PTPN3: variants seen among roughly 807,000 people sequenced by gnomAD.
PTPN3 encodes the protein protein tyrosine phosphatase non-receptor type 3.
Under a neutral mutation model 132.7 loss-of-function variants are expected in PTPN3, and 96 were observed. The observed-to-expected ratio is 0.72, with a 90% CI of 0.61 to 0.86. The LOEUF is 0.86. Ranked by LOEUF, PTPN3 falls within the 40% of genes least tolerant of loss-of-function variation. The probability of loss-of-function intolerance (pLI) is 0.00; values close to 1 mark genes in which losing one functional copy is unlikely to be tolerated. For synonymous variants in PTPN3, 398 were observed against 429.0 expected, an observed-to-expected ratio of 0.93 and a Z score of 0.89; for missense variants, 1,125 against 1,159.6, an observed-to-expected ratio of 0.97 and a Z score of 0.43.
chr9:109,513,886 A>G, the PTPN3 span, among the ~76,000 whole-genome samples: 1 of 152,172 alleles, frequency 6.6e-6, no homozygotes. Flanking sequence ...ATGGCTAATT[A>G]AGATATTAAT....
intron 14 of PTPN3, among the ~76,000 whole-genome samples, chr9:109,419,758 A>G (rs1842763071): frequency 6.6e-6 from 1 of 152,202 alleles, no homozygotes; most frequent in East Asian, 1.9e-4. Flanking sequence ...AAAGGGAAAC[A>G]AATGGGTTAA....
chr9:109,506,546 C>G, the PTPN3 span, among the ~76,000 whole-genome samples: 12 of 150,278 alleles, frequency 8.0e-5, no homozygotes, highest in African/African-American at 2.7e-4. Context: ...CTCCTTTCCT[C>G]CCTTCCTCCC....
At position 109,393,448 on chromosome 9, in the gene PTPN3, C is replaced by A. The variant is rs1235088150; in HGVS notation, c.1954-1887G>T. Reference sequence around the variant, plus strand: ...TCACCCAGGCTGGAGTGAAGTGGTGCGATCTCGGCTCACTGTAACCTCCAT... The same window carrying A: ...TCACCCAGGCTGGAGTGAAGTGGTGAGATCTCGGCTCACTGTAACCTCCAT... On this transcript the variant is annotated intron_variant, in intron 19 of 25. Transcript: ENST00000374541. Among the ~76,000 whole-genome samples, 3 of 138,822 alleles carry A rather than the reference C, an allele frequency of 2.2e-5. 1 individual carries two copies. The Admixed American group carries it at 2.3e-4, about 11-fold the overall frequency. The allele number at this position is 138,822 out of a possible 152,430, so 91.1% of individuals were successfully genotyped here. A position where few individuals can be genotyped will look rare whatever the true frequency, so the allele number is the denominator to read the frequency against.
chr9:109,495,877 G>A (rs749506848), intron 1 of PTPN3, among the ~76,000 whole-genome samples: 1 of 152,172 alleles, frequency 6.6e-6, no homozygotes, highest in East Asian at 1.9e-4. Flanking sequence ...TTTTTCTCCT[G>A]CTCCAAGCTG....
At chr9:109,455,495 C>A (rs1380991177) in intron 4 of PTPN3, among the ~76,000 whole-genome samples, 1 of 152,214 alleles carries the variant, frequency 6.6e-6, no homozygotes, top group African/African-American at 2.4e-5. Context: ...ACCCTCCCTG[C>A]TCTTTAGTGC....
At position 109,462,030 on chromosome 9, in the gene PTPN3, CAAT is replaced by C. The variant is rs554764200; in HGVS notation, c.138+1264_138+1266del. Among the ~76,000 whole-genome samples, 367 of 152,320 alleles carry C rather than the reference CAAT, an allele frequency of 2.4e-3. 2 individuals carry two copies. Among genetic ancestry groups the C allele is most frequent in the African/African-American group, 8.4e-3 (351 of 41,576 alleles). ...TTGCTGGAGTTTTCACTTGTTACAA[CAAT>C]GTTTCCCACCTACAAAAAAATGATG... On this transcript the variant is annotated intron_variant, in intron 2 of 25. Coordinates refer to ENST00000374541, the MANE Select transcript of PTPN3 (RefSeq NM_002829.4).
intron 7 of PTPN3, among the ~76,000 whole-genome samples, chr9:109,438,489 T>C (rs933630881): frequency 6.6e-6 from 1 of 152,098 alleles, no homozygotes; most frequent in African/African-American, 2.4e-5. Context: ...AGGGAGAAAA[T>C]TAGGAGACGG....
chr9:109,518,621 A>T, the PTPN3 span, among the ~76,000 whole-genome samples: 1 of 152,288 alleles, frequency 6.6e-6, no homozygotes, highest in African/African-American at 2.4e-5. Flanking sequence ...CCCTGCCTCC[A>T]TCCAGAGGGG....
At chr9:109,409,948 T>A in intron 16 of PTPN3, 51 bp downstream of exon 16, 2 of 1,595,502 alleles carry the variant, frequency 1.3e-6, no homozygotes, top group Non-Finnish European at 1.7e-6. Context: ...TAAAAACTCA[T>A]TGAAAGATTG....
At chr9:109,392,047 G>A (rs568772447) in intron 19 of PTPN3, among the ~76,000 whole-genome samples, 1 of 152,114 alleles carries the variant, frequency 6.6e-6, no homozygotes, top group African/African-American at 2.4e-5. Flanking sequence ...CCAATATATA[G>A]TACATTTCAT....
chr9:109,529,397 C>A, the PTPN3 span, among the ~76,000 whole-genome samples: 1 of 152,162 alleles, frequency 6.6e-6, no homozygotes, highest in African/African-American at 2.4e-5. Flanking sequence ...ATACTGATGC[C>A]CACTCAAGTC....
At chr9:109,432,069 T>C (rs1179608917) in intron 10 of PTPN3, among the ~76,000 whole-genome samples, 1 of 148,768 alleles carries the variant, frequency 6.7e-6, no homozygotes, top group Non-Finnish European at 1.5e-5. Context: ...TAGGGTATAT[T>C]ATATAACAAT....
chr9:109,441,205 T>C (rs1844440035), intron 7 of PTPN3, among the ~76,000 whole-genome samples: 2 of 152,220 alleles, frequency 1.3e-5, no homozygotes, highest in South Asian at 4.1e-4. Context: ...CAAAAGCTAA[T>C]TATAGCAAAC....
chr9:109,457,368 A>G lies in PTPN3; in HGVS notation c.170T>C (p.Met57Thr), dbSNP rs1463617929. Residue 57 changes from methionine to threonine, a missense_variant, in exon 3 of 26, where the codon ATG becomes ACG. Met to Thr is a moderately conservative substitution (Grantham distance 81). Coordinates refer to ENST00000374541, the MANE Select transcript of PTPN3 (RefSeq NM_002829.4). The part of the protein sequence containing the change: ...KQDTGQVLLD[M>T]VHNHLGVTEK... ...AGTCACACCCAGGTGGTTGTGCACC[A>G]TATCCAGAAGAACCTGGCCAGTGTC... 6.2e-7 allele frequency: 1 copy of G among 1,614,142 alleles called. No homozygotes were observed. The highest frequency in any genetic ancestry group is 8.5e-7 in the Non-Finnish European group (1 of 1,180,026).
intron 17 of PTPN3, among the ~76,000 whole-genome samples, chr9:109,407,196 C>T (rs1217717426): frequency 6.6e-6 from 1 of 152,166 alleles, no homozygotes; most frequent in East Asian, 1.9e-4. Flanking sequence ...GGCACAGTGA[C>T]TCCTACTGCT....
intron 14 of PTPN3, among the ~76,000 whole-genome samples, chr9:109,418,700 C>G (rs1278237036): frequency 6.6e-6 from 1 of 152,216 alleles, no homozygotes; most frequent in African/African-American, 2.4e-5. Context: ...GTGTGGCTGT[C>G]AAGCAATTCA....
chr9:109,439,760 T>G (rs1206398530), intron 7 of PTPN3, among the ~76,000 whole-genome samples: 1 of 152,030 alleles, frequency 6.6e-6, no homozygotes, highest in Non-Finnish European at 1.5e-5. Flanking sequence ...AATACAAAAA[T>G]TAGCCAGGTA....
chr9:109,392,225 C>T (rs1016531850), intron 19 of PTPN3, among the ~76,000 whole-genome samples: 10 of 152,158 alleles, frequency 6.6e-5, no homozygotes, highest in Admixed American at 6.5e-4. Flanking sequence ...AAGTTCAATG[C>T]TTTGTTCGAG....
intron 17 of PTPN3, 81 bp from the exon 18 acceptor site, chr9:109,406,699 AG>A: frequency 6.4e-7 from 1 of 1,552,970 alleles, no homozygotes; most frequent in Non-Finnish European, 8.8e-7. Context: ...CTCTGCTCCC[AG>A]ACACCTGGGA....
Sources: allele counts gnomAD v4.1 joint callset (sites outside exome capture counted in the v4.1 genomes callset), GRCh38; gene constraint gnomAD v4.1.1; transcripts MANE v1.5; gene names NCBI Gene and HGNC (gene_info 2026-07-23, HGNC 2026-07-21).